The following ZMYM5 variants were observed in gnomAD, a reference collection of about 807,000 sequenced individuals.
The protein encoded by ZMYM5 is zinc finger MYM-type protein 5.
ZMYM5 carries 41 observed loss-of-function variants against 61.8 expected under a neutral mutation model. The ratio of observed to expected loss-of-function variants is 0.66; its 90% CI spans 0.52 to 0.86. The LOEUF (loss-of-function observed/expected upper bound fraction) is 0.86. ZMYM5 is among the 40% of genes least tolerant of loss of function. The pLI is 0.00. For synonymous variants in ZMYM5, 257 were observed against 276.4 expected (o/e 0.93, Z 0.70); for missense variants, 706 against 786.7 (o/e 0.90, Z 1.23).
intron 7 of ZMYM5, among the ~76,000 whole-genome samples, chr13:19,830,142 A>C (rs1298284069): frequency 1.3e-5 from 2 of 151,936 alleles, no homozygotes; most frequent in Non-Finnish European, 2.9e-5. Flanking sequence ...CCTGATTGAG[A>C]AGCACTGGCT....
At chr13:19,855,932 T>C (rs1184227559) in intron 2 of ZMYM5, among the ~76,000 whole-genome samples, 2 of 150,416 alleles carry the variant, frequency 1.3e-5, no homozygotes. Context: ...AGGAGAATGG[T>C]GTGAACCCAG....
At chr13:19,826,678 C>T (rs981857271) in intron 7 of ZMYM5, among the ~76,000 whole-genome samples, 1 of 150,784 alleles carries the variant, frequency 6.6e-6, no homozygotes, top group East Asian at 2.0e-4. Context: ...TGCTTGAACA[C>T]GGGAGACAGA....
At chr13:19,854,079 G>A (rs1029130366) in intron 2 of ZMYM5, among the ~76,000 whole-genome samples, 1 of 151,896 alleles carries the variant, frequency 6.6e-6, no homozygotes, top group Non-Finnish European at 1.5e-5. Context: ...GTGCAACCTC[G>A]GCTCACTGCA....
In ZMYM5 at chr13:19,832,324, C is replaced by A. The variant is rs1449426729; in HGVS notation, c.1251+3153G>T. Among the ~76,000 whole-genome samples the A allele has an allele frequency of 2.0e-5, 3 of 151,774 alleles. No individual in the cohort carries two copies. The South Asian group carries it at 6.2e-4, about 32-fold the overall frequency. Reference sequence around the variant, plus strand: ...AAGAACTCAGACACAGGTAAATCATCCTTTTTTTGTTGTTGTTGTTGAGAC... The same window carrying A: ...AAGAACTCAGACACAGGTAAATCATACTTTTTTTGTTGTTGTTGTTGAGAC... On this transcript the variant is annotated intron_variant, in intron 7 of 7. Transcript: ENST00000337963.
At chr13:19,828,272 A>G (rs939318443) in intron 7 of ZMYM5, among the ~76,000 whole-genome samples, 2 of 152,096 alleles carry the variant, frequency 1.3e-5, no homozygotes, top group African/African-American at 4.8e-5. Flanking sequence ...TCAGGAGTTC[A>G]AGACCAGCCT....
chr13:19,845,680 G>A (rs1953050831), intron 4 of ZMYM5, among the ~76,000 whole-genome samples: 1 of 152,124 alleles, frequency 6.6e-6, no homozygotes, highest in African/African-American at 2.4e-5. Context: ...TTAGTTGTTT[G>A]TTGTTTTTTT....
chr13:19,824,709 C>T lies in ZMYM5; in HGVS notation c.1778G>A (p.Cys593Tyr). The change falls in exon 8 of 8, where the codon TGC becomes TAC. Residue 593 changes from cysteine to tyrosine, a missense_variant. Coordinates refer to ENST00000337963, the MANE Select transcript of ZMYM5 (RefSeq NM_001142684.2). ...TSKDSVFCLY[C>Y]KLFGEGKNQL... ...ATTTTTTCCTTCCCCAAAGAGTTTGCAATATAGACAAAACACAGAATCTTT... is the reference window on the plus strand; with the variant it reads ...ATTTTTTCCTTCCCCAAAGAGTTTGTAATATAGACAAAACACAGAATCTTT... The T allele has an allele frequency of 7.4e-7, 1 of 1,354,474 alleles. No individual in the cohort carries two copies. The highest frequency in any genetic ancestry group is 2.0e-5 in the Admixed American group (1 of 49,716). The allele number at this position is 1,354,474 out of a possible 1,614,324, so 83.9% of individuals were successfully genotyped here.
rs1256613100 is a variant in ZMYM5 at position 19,859,559 on chromosome 13, T to C, written c.-11+2840A>G. On this transcript the variant is annotated intron_variant, in intron 2 of 7. Coordinates refer to ENST00000337963, the MANE Select transcript of ZMYM5 (RefSeq NM_001142684.2). ...CTGGGACTACAGGCACCTGCCACCA[T>C]GCCCAGCTGATTTTTTTTTTTGTAT... Among the ~76,000 whole-genome samples, 4 of 151,480 alleles carry C rather than the reference T, an allele frequency of 2.6e-5. No homozygotes were observed. The East Asian group carries it at 5.9e-4, about 23-fold the overall frequency.
intron 5 of ZMYM5, among the ~76,000 whole-genome samples, 168 bp downstream of exon 5, chr13:19,838,532 T>C (rs1952749459): frequency 2.0e-5 from 3 of 152,150 alleles, no homozygotes; most frequent in South Asian, 2.1e-4. Context: ...ATACAGCACA[T>C]ACGAGTCCAC....
chr13:19,844,778 C>T (rs548680759), intron 4 of ZMYM5, among the ~76,000 whole-genome samples: 9 of 152,286 alleles, frequency 5.9e-5, no homozygotes, highest in East Asian at 3.9e-4. Flanking sequence ...GCCGTCACCA[C>T]GCCAAGCAAA....
Position 19,838,786 on chromosome 13 carries a change from T to G in ZMYM5, c.786A>C (p.Gly262=), listed in dbSNP as rs1455628095. 1.2e-6 allele frequency: 2 copies of G among 1,614,084 alleles called. No individual in the cohort carries two copies. The highest frequency in any genetic ancestry group is 1.7e-6 in the Non-Finnish European group (2 of 1,180,054). The change falls in exon 5 of 8, where the codon GGA becomes GGC. Residue 262 remains glycine (G), a synonymous_variant. Coordinates refer to ENST00000337963, the MANE Select transcript of ZMYM5 (RefSeq NM_001142684.2). Reference sequence around the variant, plus strand: ...TGGTAGAGCAAAAGAGGTGAGCTGATCCTTTTCGTTGATAAGCTGTCTGTC... The same window carrying G: ...TGGTAGAGCAAAAGAGGTGAGCTGAGCCTTTTCGTTGATAAGCTGTCTGTC... ...QKGQTAYQRK[G]SAHLFCSTTC...
chr13:19,830,675 A>T (rs189410949), intron 7 of ZMYM5, among the ~76,000 whole-genome samples: 10 of 151,748 alleles, frequency 6.6e-5, no homozygotes, highest in Admixed American at 1.3e-4. Context: ...CTGGGACTAC[A>T]GGTATGTGTC....
At chr13:19,854,288 G>A (rs148459856) in intron 2 of ZMYM5, among the ~76,000 whole-genome samples, 83 of 152,292 alleles carry the variant, frequency 5.5e-4, no homozygotes, top group African/African-American at 1.9e-3. Context: ...GATAAGAGGT[G>A]TAAGCCACTG....
rs879537886 is a variant in ZMYM5 at position 19,839,393 on chromosome 13, CT to C, written c.587-409del. Among the ~76,000 whole-genome samples, 1,171 of 145,784 alleles carry C rather than the reference CT, an allele frequency of 8.0e-3. 5 individuals are homozygous for C. Among genetic ancestry groups the C allele is most frequent in the Non-Finnish European group, 0.011 (736 of 65,848 alleles). ...AGGCACACTCAAAAAATATTAGCTA[CT>C]TTTTTTTTTTTTGAGACAGAATCTC... On this transcript the variant is annotated intron_variant, in intron 4 of 7. Coordinates refer to ENST00000337963, the MANE Select transcript of ZMYM5 (RefSeq NM_001142684.2).
chr13:19,854,046 T>C (rs1953416945), intron 2 of ZMYM5, among the ~76,000 whole-genome samples: 2 of 152,172 alleles, frequency 1.3e-5, no homozygotes, highest in South Asian at 2.1e-4. Flanking sequence ...AGTCTCACTC[T>C]ATCGCCAGGC....
chr13:19,843,710 C>T (rs146398211), intron 4 of ZMYM5: 14,899 of 152,100 alleles, frequency 0.098, 861 homozygotes, highest in African/African-American at 0.16. Flanking sequence ...GTGGCACACG[C>T]CTGTAATCCC....
chr13:19,828,211 C>T (rs1459529586), intron 7 of ZMYM5, among the ~76,000 whole-genome samples: 3 of 152,004 alleles, frequency 2.0e-5, no homozygotes, highest in Admixed American at 6.6e-5. Flanking sequence ...CGGTGGCTCA[C>T]GCCTGTAATC....
intron 7 of ZMYM5, among the ~76,000 whole-genome samples, chr13:19,829,683 C>A (rs567069495): frequency 4.6e-4 from 70 of 152,264 alleles, no homozygotes; most frequent in African/African-American, 1.6e-3. Context: ...TAGCCTCAAA[C>A]GCCTGGGCTC....
intron 2 of ZMYM5, among the ~76,000 whole-genome samples, chr13:19,856,645 GA>G (rs111627893): frequency 0.12 from 16,512 of 139,284 alleles, 1,160 homozygotes; most frequent in African/African-American, 0.21. Context: ...TGTCTCAGAA[GA>G]AAAAAAAAAA....
Sources: allele counts gnomAD v4.1 joint callset (sites outside exome capture counted in the v4.1 genomes callset), GRCh38; gene constraint gnomAD v4.1.1; transcripts MANE v1.5; gene names NCBI Gene and HGNC (gene_info 2026-07-23, HGNC 2026-07-21).